SLC9A9: variants seen among roughly 807,000 people sequenced by gnomAD.
SLC9A9 encodes the protein solute carrier family 9 member A9, also known as sodium/hydrogen exchanger 9.
SLC9A9 carries 62 observed loss-of-function variants against 77.8 expected under a neutral mutation model. The observed-to-expected ratio is 0.80, with a 90% CI of 0.65 to 0.98. The LOEUF is 0.98. SLC9A9 is among the 50% of genes least tolerant of loss of function. The pLI is 0.00. For synonymous variants in SLC9A9, 320 were observed against 283.5 expected, an observed-to-expected ratio of 1.13 and a Z score of -1.29; for missense variants, 775 against 774.9, an observed-to-expected ratio of 1.00 and a Z score of 0.00.
At chr3:143,450,834 C>T (rs1359758330) in intron 12 of SLC9A9, among the ~76,000 whole-genome samples, 1 of 152,204 alleles carries the variant, frequency 6.6e-6, no homozygotes, top group Non-Finnish European at 1.5e-5. Flanking sequence ...AAGAAATCCA[C>T]AGCAGGCTGT....
chr3:143,756,628 T>C (rs2006933192), intron 4 of SLC9A9, among the ~76,000 whole-genome samples: 1 of 152,232 alleles, frequency 6.6e-6, no homozygotes. Flanking sequence ...AATGTTGTTT[T>C]GTTGGATAGA....
intron 9 of SLC9A9, among the ~76,000 whole-genome samples, chr3:143,520,315 TA>T (rs2036274361): frequency 6.6e-6 from 1 of 152,192 alleles, no homozygotes; most frequent in Non-Finnish European, 1.5e-5. Context: ...ATTAGTGTCC[TA>T]ATAAGAATAG....
chr3:143,523,723 C>A (rs1461837546), intron 9 of SLC9A9, among the ~76,000 whole-genome samples: 3 of 152,078 alleles, frequency 2.0e-5, no homozygotes, highest in African/African-American at 7.2e-5. Context: ...TATATTTTTC[C>A]ATAATCCTCT....
At chr3:143,732,700 T>C (rs1341435708) in intron 4 of SLC9A9, among the ~76,000 whole-genome samples, 1 of 151,170 alleles carries the variant, frequency 6.6e-6, no homozygotes, top group Non-Finnish European at 1.5e-5. Flanking sequence ...AAATACTTTA[T>C]TAACCTCCTT....
At chr3:143,680,967 C>T (rs1036358368) in intron 5 of SLC9A9, among the ~76,000 whole-genome samples, 1 of 152,086 alleles carries the variant, frequency 6.6e-6, no homozygotes, top group East Asian at 1.9e-4. Context: ...GTATTTATTC[C>T]CTGACATTTT....
intron 8 of SLC9A9, among the ~76,000 whole-genome samples, chr3:143,566,113 A>T (rs1417340498): frequency 6.6e-6 from 1 of 152,172 alleles, no homozygotes; most frequent in Admixed American, 6.6e-5. Context: ...AAATCTCAAC[A>T]TGTCCAGTAA....
At chr3:143,792,370 G>T (rs577578862) in intron 4 of SLC9A9, among the ~76,000 whole-genome samples, 1 of 152,188 alleles carries the variant, frequency 6.6e-6, no homozygotes, top group South Asian at 2.1e-4. Context: ...TATCAAGACT[G>T]GCAGCATAAA....
At chr3:143,690,700 T>C (rs982566052) in intron 5 of SLC9A9, among the ~76,000 whole-genome samples, 2 of 152,158 alleles carry the variant, frequency 1.3e-5, no homozygotes, top group Non-Finnish European at 2.9e-5. Context: ...GTGTTCATAA[T>C]GATGTTTTTA....
chr3:143,625,862 C>T (rs1423773457), intron 6 of SLC9A9, among the ~76,000 whole-genome samples: 1 of 152,160 alleles, frequency 6.6e-6, no homozygotes, highest in Non-Finnish European at 1.5e-5. Flanking sequence ...TTCCAATCTA[C>T]TCATCTGACA....
At chr3:143,523,207 C>T (rs1041709096) in intron 9 of SLC9A9, among the ~76,000 whole-genome samples, 5 of 152,140 alleles carry the variant, frequency 3.3e-5, no homozygotes, top group East Asian at 3.9e-4. Context: ...TGAACTTTTT[C>T]GAATGAATTA....
chr3:143,653,633 G>A (rs2038838625), intron 5 of SLC9A9, among the ~76,000 whole-genome samples: 1 of 152,130 alleles, frequency 6.6e-6, no homozygotes. Context: ...GTCATGAAGG[G>A]TTTTAATAAG....
intron 14 of SLC9A9, among the ~76,000 whole-genome samples, chr3:143,337,358 G>A (rs575260404): frequency 2.0e-5 from 3 of 152,100 alleles, no homozygotes; most frequent in South Asian, 2.1e-4. Context: ...TACTCTACCC[G>A]TATGTCACCT....
chr3:143,518,718 T>A (rs1217470100), intron 9 of SLC9A9, among the ~76,000 whole-genome samples: 1 of 152,246 alleles, frequency 6.6e-6, no homozygotes, highest in African/African-American at 2.4e-5. Flanking sequence ...TAGTTATGAT[T>A]AACTCATTTT....
chr3:143,470,068 G>A (rs905810656), intron 11 of SLC9A9, among the ~76,000 whole-genome samples: 1 of 152,200 alleles, frequency 6.6e-6, no homozygotes, highest in Non-Finnish European at 1.5e-5. Flanking sequence ...ATTAGGGAAT[G>A]AGAACTCAAG....
intron 12 of SLC9A9, among the ~76,000 whole-genome samples, chr3:143,428,312 C>T (rs2034444041): frequency 7.0e-6 from 1 of 143,732 alleles, no homozygotes; most frequent in Admixed American, 6.9e-5. Context: ...AAATATTCAA[C>T]AGACATATGA....
Position 143,766,257 on chromosome 3 carries a change from T to C in SLC9A9, c.533+28744A>G, listed in dbSNP as rs1332443365. The stretch of plus-strand genomic sequence containing the variant: ...CAAAGACAAACTACAATTTAGAATA[T>C]AGGATAGATGGGAGTCAGAGAAAAC... On this transcript the variant is annotated intron_variant, in intron 4 of 15. Coordinates refer to ENST00000316549, the MANE Select transcript of SLC9A9 (RefSeq NM_173653.4). Among the ~76,000 whole-genome samples the C allele has an allele frequency of 2.6e-5, 4 of 152,214 alleles. No homozygotes were observed. The East Asian group carries it at 7.7e-4, about 29-fold the overall frequency.
At chr3:143,748,075 CT>C (rs1178484786) in intron 4 of SLC9A9, among the ~76,000 whole-genome samples, 2 of 152,224 alleles carry the variant, frequency 1.3e-5, no homozygotes, top group Admixed American at 6.5e-5. Flanking sequence ...CCCACTGCCT[CT>C]AAGTTAGTTG....
At chr3:143,808,034 C>G (rs2008770583) in intron 2 of SLC9A9, among the ~76,000 whole-genome samples, 2 of 152,114 alleles carry the variant, frequency 1.3e-5, no homozygotes, top group African/African-American at 4.8e-5. Flanking sequence ...GAAGGCAGTA[C>G]CCAAGTATAC....
chr3:143,744,259 T>C (rs1001479375), intron 4 of SLC9A9, among the ~76,000 whole-genome samples: 2 of 152,218 alleles, frequency 1.3e-5, no homozygotes, highest in Non-Finnish European at 1.5e-5. Context: ...GTCCTCAGAC[T>C]TCCACTTTGC....
Sources: allele counts gnomAD v4.1 joint callset (sites outside exome capture counted in the v4.1 genomes callset), GRCh38; gene constraint gnomAD v4.1.1; transcripts MANE v1.5; gene names NCBI Gene and HGNC (gene_info 2026-07-23, HGNC 2026-07-21).